POMGNT1: variants seen among roughly 807,000 people sequenced by gnomAD.
The protein encoded by POMGNT1 is protein O-linked mannose N-acetylglucosaminyltransferase 1 (beta 1,2-).
In POMGNT1, 67 loss-of-function variants were observed where a neutral mutation model predicts 95.6. The ratio of observed to expected loss-of-function variants is 0.70; its 90% CI spans 0.58 to 0.86. The LOEUF (loss-of-function observed/expected upper bound fraction) is 0.86, where lower values mean the gene tolerates loss of function less well. Ranked by LOEUF, POMGNT1 falls within the 40% of genes least tolerant of loss-of-function variation. The pLI is 0.00. For missense variants in POMGNT1, 719 were observed against 855.2 expected, an observed-to-expected ratio of 0.84 and a Z score of 1.99; for synonymous variants, 298 against 317.9, an observed-to-expected ratio of 0.94 and a Z score of 0.66.
intron 9 of POMGNT1, 46 bp from the exon 10 acceptor site, chr1:46,193,971 A>G: frequency 6.2e-7 from 1 of 1,609,422 alleles, no homozygotes; most frequent in Non-Finnish European, 8.5e-7. Flanking sequence ...CCCCCTTCAA[A>G]CTGGGATCCC....
intron 1 of POMGNT1, among the ~76,000 whole-genome samples, chr1:46,206,646 A>G (rs1254131783): frequency 6.6e-6 from 1 of 152,154 alleles, no homozygotes; most frequent in African/African-American, 2.4e-5. Context: ...TCTGGGAGTG[A>G]TGCTGTCACA....
intron 17 of POMGNT1, 196 bp from the exon 18 acceptor site, chr1:46,190,980 A>G: frequency 3.4e-6 from 2 of 591,428 alleles, no homozygotes; most frequent in Non-Finnish European, 6.4e-6. Context: ...GGCCTCCACC[A>G]TTGCTGGAGA....
Position 46,194,537 on chromosome 1 carries a change from G to A in POMGNT1, c.751+16C>T, listed in dbSNP as rs775034460. ...CCAGCCCAGGCCCTGCCCCATCCATGCTCCACTAACTCCACCTTCTGCTGA... is the reference window on the plus strand; with the variant it reads ...CCAGCCCAGGCCCTGCCCCATCCATACTCCACTAACTCCACCTTCTGCTGA... On this transcript the variant is annotated intron_variant, in intron 8 of 21. Coordinates refer to ENST00000371984, the MANE Select transcript of POMGNT1 (RefSeq NM_017739.4). 4 of 1,613,868 alleles carry A rather than the reference G, an allele frequency of 2.5e-6. No individual in the cohort carries two copies. The highest frequency in any genetic ancestry group is 3.4e-6 in the Non-Finnish European group (4 of 1,180,018).
rs1337169216 is a variant in POMGNT1 at position 46,195,024 on chromosome 1, A to G, written c.535-63T>C. ...GGTTCCAGGAGACCTGGCCTCACAGAGCACGAACTATGTAGCAACCTTTTA... is the reference window on the plus strand; with the variant it reads ...GGTTCCAGGAGACCTGGCCTCACAGGGCACGAACTATGTAGCAACCTTTTA... On this transcript the variant is annotated intron_variant, in intron 6 of 21. Transcript: ENST00000371984. The G allele has an allele frequency of 2.8e-6, 4 of 1,445,638 alleles. No homozygotes were observed. In the African/African-American group the frequency reaches 5.6e-5, roughly 20 times the overall value. 89.6% of individuals were successfully genotyped at this position (1,445,638 alleles called of 1,614,324 possible). A position where few individuals can be genotyped will look rare whatever the true frequency, so the allele number is the denominator to read the frequency against.
Position 46,189,862 on chromosome 1 carries a change from G to T in POMGNT1, c.1777C>A (p.Leu593Ile), listed in dbSNP as rs537349651. The T allele has an allele frequency of 1.2e-6, 2 of 1,613,906 alleles. No homozygotes were observed. The highest frequency in any genetic ancestry group is 2.2e-5 in the South Asian group (2 of 90,926). The change falls in exon 20 of 22, where the codon CTT becomes ATT. Residue 593 changes from leucine to isoleucine, a missense_variant. By Grantham distance (5) the Leu-to-Ile change is conservative. This residue lies in a region of POMGNT1 where 130 missense variants were observed against 149.2 expected (regional missense o/e 0.87). Coordinates refer to ENST00000371984, the MANE Select transcript of POMGNT1 (RefSeq NM_017739.4). Reference sequence around the variant, plus strand: ...GCATGGTATTGGAGCACCTTGGCAAGCTGGGTCCAGGTGGTGAAGTCATCA... The same window carrying T: ...GCATGGTATTGGAGCACCTTGGCAATCTGGGTCCAGGTGGTGAAGTCATCA... Reference protein sequence around the residue: ...KDDDFTTWTQLAKCLHIWDLD... With the variant: ...KDDDFTTWTQIAKCLHIWDLD...
At chr1:46,200,346 CTGATG>C (rs1486499050), upstream of POMGNT1, among the ~76,000 whole-genome samples, 1 of 152,174 alleles carries the variant, frequency 6.6e-6, no homozygotes, top group Non-Finnish European at 1.5e-5. Flanking sequence ...TCCAGGCTGC[CTGATG>C]TCCAGCAGGA....
Position 46,194,319 on chromosome 1 carries a change from T to A in POMGNT1, c.834A>T (p.Val278=), listed in dbSNP as rs1299228802. The A allele has an allele frequency of 2.5e-6, 4 of 1,614,200 alleles. No homozygotes were observed. Among genetic ancestry groups the A allele is most frequent in the Non-Finnish European group, 3.4e-6 (4 of 1,180,036 alleles). Reference sequence around the variant, plus strand: ...TGGGTGTGGGGTCCTTGCAGCTGCATACACTTCCATAGCCCTCAACTTTGC... The same window carrying A: ...TGGGTGTGGGGTCCTTGCAGCTGCAAACACTTCCATAGCCCTCAACTTTGC... ...FCSKVEGYGS[V]CSCKDPTPIE... is the part of the protein sequence containing the mutation. The change falls in exon 9 of 22, where the codon GTA becomes GTT. Residue 278 remains valine, a synonymous_variant. Coordinates refer to ENST00000371984, the MANE Select transcript of POMGNT1 (RefSeq NM_017739.4).
chr1:46,205,813 C>T (rs1438328345), intron 1 of POMGNT1, among the ~76,000 whole-genome samples: 1 of 152,230 alleles, frequency 6.6e-6, no homozygotes, highest in Non-Finnish European at 1.5e-5. Context: ...CTCTGCCCTG[C>T]CTACTGGGTT....
intron 17 of POMGNT1, chr1:46,191,643 CT>C (rs572766669): frequency 6.2e-4 from 156 of 251,578 alleles, no homozygotes; most frequent in Middle Eastern, 1.5e-3. Flanking sequence ...ATTTTATCCT[CT>C]TTTTTTTTGA....
chr1:46,214,279 G>C (rs758202781), intron 1 of POMGNT1, among the ~76,000 whole-genome samples: 1 of 151,796 alleles, frequency 6.6e-6, no homozygotes, highest in Non-Finnish European at 1.5e-5. Context: ...CTGGGAGGTA[G>C]AGGTTGCAGT....
chr1:46,189,052 C>A lies in POMGNT1; in HGVS notation c.*218G>T. 1 of 1,536,628 alleles carries A rather than the reference C, an allele frequency of 6.5e-7. No individual in the cohort carries two copies. The highest frequency in any genetic ancestry group is 8.7e-7 in the Non-Finnish European group (1 of 1,147,306). On this transcript the variant is annotated 3_prime_UTR_variant, in exon 22 of 22. Coordinates refer to ENST00000371984, the MANE Select transcript of POMGNT1 (RefSeq NM_017739.4). ...GTAATGATTCCCAGGTACTCTCCTGCCCTTCTCCAACAAGGAAGTAAATAA... is the reference window on the plus strand; with the variant it reads ...GTAATGATTCCCAGGTACTCTCCTGACCTTCTCCAACAAGGAAGTAAATAA...
rs574709638 is a variant in POMGNT1, at chr1:46,195,693, T to C, written c.534+118A>G. 3.7e-5 allele frequency: 35 copies of C among 956,520 alleles called. No individual in the cohort carries two copies. In the East Asian group the frequency reaches 5.2e-4, roughly 14 times the overall value. 59.3% of individuals were successfully genotyped at this position (956,520 alleles called of 1,614,324 possible). A position where few individuals can be genotyped will look rare whatever the true frequency, so the allele number is the denominator to read the frequency against. On this transcript the variant is annotated intron_variant, in intron 6 of 21. Transcript: ENST00000371984. ...AAATGTTAAGGCTGAGATTGGAACCTGAGTAACCTTCCTTCAGAGAATCTT... is the reference window on the plus strand; with the variant it reads ...AAATGTTAAGGCTGAGATTGGAACCCGAGTAACCTTCCTTCAGAGAATCTT...
chr1:46,210,276 GTT>G (rs1175546521), intron 1 of POMGNT1, among the ~76,000 whole-genome samples: 3 of 151,928 alleles, frequency 2.0e-5, no homozygotes, highest in African/African-American at 7.3e-5. Context: ...GTGTGTGTGT[GTT>G]TTTTTAATTT....
chr1:46,219,307 A>T (rs1659159345), intron 1 of POMGNT1, among the ~76,000 whole-genome samples: 1 of 152,126 alleles, frequency 6.6e-6, no homozygotes, highest in South Asian at 2.1e-4. Flanking sequence ...AAAAAAAAAA[A>T]AAAGAAGTAC....
At chr1:46,217,533 G>A (rs1204630564) in intron 1 of POMGNT1, among the ~76,000 whole-genome samples, 1 of 152,162 alleles carries the variant, frequency 6.6e-6, no homozygotes, top group Non-Finnish European at 1.5e-5. Flanking sequence ...AAGGGTATCT[G>A]TATGGCAGGG....
At chr1:46,207,200 C>T (rs1421115586) in intron 1 of POMGNT1, among the ~76,000 whole-genome samples, 1 of 152,066 alleles carries the variant, frequency 6.6e-6, no homozygotes, top group Non-Finnish European at 1.5e-5. Context: ...CCTGCCTCAG[C>T]TTCCTGAGTA....
In POMGNT1 at chr1:46,197,362, T is replaced by C. The variant is rs181093407; in HGVS notation, c.121-278A>G. Reference sequence around the variant, plus strand: ...CCTTGATTTCCTTGGTCCCCTCCATTGTTGGTTTCTAGAGATGGAGCCAGG... The same window carrying C: ...CCTTGATTTCCTTGGTCCCCTCCATCGTTGGTTTCTAGAGATGGAGCCAGG... On this transcript the variant is annotated intron_variant, in intron 2 of 21. Transcript: ENST00000371984. The C allele has an allele frequency of 8.6e-4, 1,274 of 1,479,764 alleles. 7 individuals are homozygous for C. The African/African-American group carries it at 0.017, about 19-fold the overall frequency. The allele number at this position is 1,479,764 out of a possible 1,614,324, so 91.7% of individuals were successfully genotyped here.
intron 1 of POMGNT1, among the ~76,000 whole-genome samples, chr1:46,216,043 C>CTTTTTTTT (rs141982741): frequency 8.8e-4 from 81 of 92,548 alleles, no homozygotes; most frequent in African/African-American, 9.5e-4. Flanking sequence ...TTTATTTTAT[C>CTTTTTTTT]TTTTTTTTTT....
At chr1:46,203,632 C>T (rs760341311) in intron 1 of POMGNT1, 1 of 1,600,460 alleles carries the variant, frequency 6.2e-7, no homozygotes, top group East Asian at 2.3e-5. Context: ...CTGGTGAGTG[C>T]TGAATCCATG....
Sources: allele counts gnomAD v4.1 joint callset (sites outside exome capture counted in the v4.1 genomes callset), GRCh38; gene constraint gnomAD v4.1.1; regional missense constraint gnomAD v4.1.1; transcripts MANE v1.5; gene names NCBI Gene and HGNC (gene_info 2026-07-23, HGNC 2026-07-21).